NRG4: variants seen among roughly 807,000 people sequenced by gnomAD.
NRG4 encodes neuregulin 4.
NRG4 carries 10 observed loss-of-function variants against 15.0 expected under a neutral mutation model. The observed-to-expected ratio is 0.67, with a 90% CI of 0.41 to 1.13. The LOEUF (loss-of-function observed/expected upper bound fraction) is 1.13. NRG4 is among the 50% of genes most tolerant of loss of function. NRG4 has a pLI of 0.00. For synonymous variants in NRG4, 41 were observed against 50.1 expected (o/e 0.82, Z 0.77); for missense variants, 139 against 140.2 (o/e 0.99, Z 0.04).
intron 4 of NRG4, among the ~76,000 whole-genome samples, chr15:76,039,727 A>G (rs752032894): frequency 2.0e-5 from 3 of 152,154 alleles, no homozygotes; most frequent in Non-Finnish European, 4.4e-5. Flanking sequence ...CAAACCTAGA[A>G]AAAGATATTA....
At chr15:76,043,526 CAAGA>C (rs1273813893) in intron 4 of NRG4, among the ~76,000 whole-genome samples, 1 of 152,046 alleles carries the variant, frequency 6.6e-6, no homozygotes, top group Non-Finnish European at 1.5e-5. Context: ...AAAATGAAAT[CAAGA>C]AAGTAATCCC....
chr15:76,047,663 T>G (rs2035904620), intron 4 of NRG4, among the ~76,000 whole-genome samples: 1 of 150,622 alleles, frequency 6.6e-6, no homozygotes, highest in Non-Finnish European at 1.5e-5. Context: ...GGAATATAAA[T>G]GTATTTATTA....
At chr15:75,954,048 CTCTTATT>C (rs2032075144) in intron 5 of NRG4, among the ~76,000 whole-genome samples, 1 of 152,070 alleles carries the variant, frequency 6.6e-6, no homozygotes, top group African/African-American at 2.4e-5. Flanking sequence ...AAATTTTTGA[CTCTTATT>C]TCTTCTGTTC....
At chr15:76,007,203 G>T (rs1454927719) in intron 3 of NRG4, among the ~76,000 whole-genome samples, 8 of 151,472 alleles carry the variant, frequency 5.3e-5, no homozygotes, top group African/African-American at 2.0e-4. Flanking sequence ...ACCTGATTTT[G>T]CTCATTATAA....
intron 5 of NRG4, among the ~76,000 whole-genome samples, chr15:75,954,425 CAATTTCTT>C (rs2032103302): frequency 9.2e-6 from 1 of 108,618 alleles, no homozygotes; most frequent in Non-Finnish European, 1.8e-5. Context: ...GTATCAATTT[CAATTTCTT>C]TTTTTTTTTT....
chr15:75,940,746 T>TC (rs1204023064), downstream of NRG4: 2 of 149,172 alleles, frequency 1.3e-5, no homozygotes, highest in Non-Finnish European at 3.0e-5. Context: ...GATAGTTTTT[T>TC]CAACAAATAA....
rs1330185574 is a variant in NRG4 at position 75,950,224 on chromosome 15, A to T, written c.331+5708T>A. On this transcript the variant is annotated intron_variant, in intron 5 of 5. Transcript: ENST00000394907. ...ATGCTTATGTACTTAATACATTGAG[A>T]TTCTATCATTAATAATTTTTTTAAA... Among the ~76,000 whole-genome samples, 4 of 152,144 alleles carry T rather than the reference A, an allele frequency of 2.6e-5. No individual in the cohort carries two copies. In the East Asian group the frequency reaches 7.7e-4, roughly 29 times the overall value.
At chr15:75,988,173 T>C (rs1053864412) in intron 3 of NRG4, among the ~76,000 whole-genome samples, 1 of 152,098 alleles carries the variant, frequency 6.6e-6, no homozygotes, top group Non-Finnish European at 1.5e-5. Flanking sequence ...GTCAAAGAGG[T>C]TGACTGTTAT....
rs71140191 is a variant in NRG4, at chr15:76,005,383, T to TAA, written c.104+3815_104+3816dup. On this transcript the variant is annotated intron_variant, in intron 3 of 5. Transcript: ENST00000394907. ...GGCAACACAGCAAGACTCCGTCTCT[T>TAA]AAAAAAAAAAAAAAAAAAGGGCCAG... Among the ~76,000 whole-genome samples the TAA allele has an allele frequency of 1.4e-3, 174 of 120,986 alleles. 1 individual carries two copies. In the South Asian group the frequency reaches 0.015, roughly 10 times the overall value. 79.4% of individuals were successfully genotyped at this position (120,986 alleles called of 152,430 possible).
At position 75,943,432 on chromosome 15, in the gene NRG4, C is replaced by G; in HGVS notation, c.*206G>C. The G allele has an allele frequency of 1.8e-6, 1 of 545,348 alleles. No homozygotes were observed. Among genetic ancestry groups the G allele is most frequent in the Non-Finnish European group, 3.2e-6 (1 of 309,746 alleles). The allele number at this position is 545,348 out of a possible 1,614,324, so 33.8% of individuals were successfully genotyped here. On this transcript the variant is annotated 3_prime_UTR_variant, in exon 6 of 6. Coordinates refer to ENST00000394907, the MANE Select transcript of NRG4 (RefSeq NM_138573.4). ...GACTTCGAATTATACTGGTATCACC[C>G]CCTACTTAGCAGTTGCCGATGGACT...
intron 1 of NRG4, chr15:76,059,551 C>G (rs1201216841): frequency 6.5e-6 from 1 of 152,920 alleles, no homozygotes; most frequent in African/African-American, 2.4e-5. Context: ...GCACTTGTTG[C>G]TTCTGCGCCC....
At chr15:75,958,150 C>G (rs2032330089) in intron 4 of NRG4, among the ~76,000 whole-genome samples, 1 of 151,974 alleles carries the variant, frequency 6.6e-6, no homozygotes, top group African/African-American at 2.4e-5. Flanking sequence ...GTAGCTGGGA[C>G]TACAGGCACC....
intron 5 of NRG4, among the ~76,000 whole-genome samples, chr15:76,027,497 A>T (rs968152122): frequency 1.3e-5 from 2 of 148,670 alleles, no homozygotes; most frequent in African/African-American, 2.5e-5. Context: ...ATAACAGTCA[A>T]ATATATATAT....
At chr15:76,015,610 G>A (rs1355874647), upstream of NRG4, among the ~76,000 whole-genome samples, 1 of 152,118 alleles carries the variant, frequency 6.6e-6, no homozygotes, top group African/African-American at 2.4e-5. Flanking sequence ...TACTCACGTG[G>A]TTTTTGTCAT....
At chr15:76,022,636 T>C (rs1037245113) in intron 5 of NRG4, among the ~76,000 whole-genome samples, 2 of 152,108 alleles carry the variant, frequency 1.3e-5, no homozygotes, top group African/African-American at 4.8e-5. Context: ...AAATGTGCAG[T>C]GGTGAGTGTG....
intron 3 of NRG4, among the ~76,000 whole-genome samples, chr15:76,005,006 C>CA (rs2034546675): frequency 6.6e-6 from 1 of 152,128 alleles, no homozygotes. Flanking sequence ...TCAATTAACA[C>CA]ATATTTTATA....
intron 5 of NRG4, among the ~76,000 whole-genome samples, chr15:76,034,086 C>A (rs1475907872): frequency 6.6e-6 from 1 of 152,174 alleles, no homozygotes; most frequent in Non-Finnish European, 1.5e-5. Context: ...CTGTCTCATC[C>A]AATTACTGCA....
At chr15:75,961,790 T>C (rs2141814942) in intron 4 of NRG4, 38 bp downstream of exon 4, 6 of 1,478,308 alleles carry the variant, frequency 4.1e-6, no homozygotes, top group Non-Finnish European at 5.6e-6. Flanking sequence ...CTACTTTATG[T>C]ATTACTTTTC....
intron 4 of NRG4, among the ~76,000 whole-genome samples, chr15:76,048,925 G>A (rs2035935046): frequency 6.7e-6 from 1 of 150,242 alleles, no homozygotes; most frequent in South Asian, 2.1e-4. Context: ...CATGCCTGTG[G>A]TCCCAGCTAC....
Sources: allele counts gnomAD v4.1 joint callset (sites outside exome capture counted in the v4.1 genomes callset), GRCh38; gene constraint gnomAD v4.1.1; transcripts MANE v1.5; gene names NCBI Gene and HGNC (gene_info 2026-07-23, HGNC 2026-07-21).